Variants in TMEM214 observed in about 807,000 individuals in gnomAD.
TMEM214 encodes the protein transmembrane protein 214.
A neutral mutation model predicts 89.8 loss-of-function variants in TMEM214; 71 were observed. The observed-to-expected ratio is 0.79, with a 90% CI of 0.65 to 0.96. TMEM214 has a LOEUF of 0.96. Ranked by LOEUF, TMEM214 falls within the 40% of genes least tolerant of loss-of-function variation. The pLI is 0.00. For synonymous variants in TMEM214, 332 were observed against 349.5 expected (o/e 0.95, Z 0.56); for missense variants, 754 against 843.4 (o/e 0.89, Z 1.31).
Position 27,038,526 on chromosome 2 carries a change from CAAG to C in TMEM214, c.1291_1293del (p.Lys431del), listed in dbSNP as rs751817734. 6.2e-7 allele frequency: 1 copy of C among 1,614,034 alleles called. No homozygotes were observed. The highest frequency in any genetic ancestry group is 8.5e-7 in the Non-Finnish European group (1 of 1,179,978). On this transcript the variant is annotated inframe_deletion, in exon 11 of 17. Coordinates refer to ENST00000238788, the MANE Select transcript of TMEM214 (RefSeq NM_017727.5). The surrounding 1 kb of genome is among the most constrained non-coding windows in gnomAD (Gnocchi z 4.4). Reference sequence around the variant, plus strand: ...TGCTCAGCTCCTGGGAGCAGATTCCCAAGAAGGTGAGGAGCTGGGAGGACGTGG... The same window carrying C: ...TGCTCAGCTCCTGGGAGCAGATTCCCAAGGTGAGGAGCTGGGAGGACGTGG...
At chr2:27,039,234 C>A in intron 13 of TMEM214, 70 bp downstream of exon 13, 2 of 1,280,296 alleles carry the variant, frequency 1.6e-6, no homozygotes, top group Non-Finnish European at 2.2e-6. Context: ...CACCACCACC[C>A]CGCCCCCAGC....
intron 4 of TMEM214, 67 bp downstream of exon 4, chr2:27,035,795 A>C: frequency 6.2e-7 from 1 of 1,607,830 alleles, no homozygotes; most frequent in Non-Finnish European, 8.5e-7. Context: ...TTCCAGTACC[A>C]CTCAGTGGTT....
chr2:27,037,895 C>G, intron 9 of TMEM214, 193 bp downstream of exon 9: 1 of 1,552,502 alleles, frequency 6.4e-7, no homozygotes, highest in Middle Eastern at 1.7e-4. Context: ...ACATTCAGGT[C>G]TGGGTGGTTT....
At chr2:27,034,812 G>A (rs1228478598) in intron 2 of TMEM214, among the ~76,000 whole-genome samples, 1 of 151,860 alleles carries the variant, frequency 6.6e-6, no homozygotes, top group Non-Finnish European at 1.5e-5. Context: ...TTGAACTCCT[G>A]ACCTCAGGTG....
At chr2:27,035,008 T>C (rs1051026906) in intron 2 of TMEM214, 127 bp from the exon 3 acceptor site, 11 of 1,008,500 alleles carry the variant, frequency 1.1e-5, no homozygotes, top group African/African-American at 9.7e-5. Context: ...CATGTTCTTA[T>C]GCTTAAAAAT....
intron 3 of TMEM214, 72 bp from the exon 4 acceptor site, chr2:27,035,522 G>A (rs1210683427): frequency 5.0e-6 from 8 of 1,590,570 alleles, no homozygotes; most frequent in South Asian, 1.1e-5. Context: ...CCATTCCCAG[G>A]GAGAGCACCA....
At position 27,033,001 on chromosome 2, in the gene TMEM214, G is replaced by A. The variant is rs751885270; in HGVS notation, c.-15G>A. On this transcript the variant is annotated 5_prime_UTR_variant, in exon 1 of 17. Coordinates refer to ENST00000238788, the MANE Select transcript of TMEM214 (RefSeq NM_017727.5). ...GAAAGCCGGGGAAGTGGCCGAGGAG[G>A]GAGGGCTGCGAGCCATGGCGACCAA... 7 of 1,245,966 alleles carry A rather than the reference G, an allele frequency of 5.6e-6. No homozygotes were observed. The highest frequency in any genetic ancestry group is 3.1e-5 in the African/African-American group (2 of 64,402). The allele number at this position is 1,245,966 out of a possible 1,614,324, so 77.2% of individuals were successfully genotyped here. A position where few individuals can be genotyped will look rare whatever the true frequency, so the allele number is the denominator to read the frequency against.
In TMEM214 at chr2:27,040,964, C is replaced by A; in HGVS notation, c.*127C>A. ...CTGAGTTCTCTCCTAGGCAAGTGGC[C>A]AGTTGCCTCCACCTCAGTTCTTCCA... is the stretch of plus-strand genomic sequence containing the variant. On this transcript the variant is annotated 3_prime_UTR_variant, in exon 17 of 17. Transcript: ENST00000238788. The A allele has an allele frequency of 8.4e-7, 1 of 1,187,174 alleles. No homozygotes were observed. Among genetic ancestry groups the A allele is most frequent in the Non-Finnish European group, 1.2e-6 (1 of 846,826 alleles). The allele number at this position is 1,187,174 out of a possible 1,614,324, so 73.5% of individuals were successfully genotyped here.
rs1667660555 is a variant in TMEM214 at position 27,038,229 on chromosome 2, A to G, written c.1236A>G (p.Ser412=). 6.2e-7 allele frequency: 1 copy of G among 1,613,778 alleles called. No homozygotes were observed. The highest frequency in any genetic ancestry group is 8.5e-7 in the Non-Finnish European group (1 of 1,179,870). ...GGCAGCTGTACCCTAAGCACCTGTC[A>G]CAGTCCAGGCAGGTGGGGTGGGAGG... ...VWRQLYPKHL[S]QSSLLLEHLL... is the part of the protein sequence containing the mutation. The change falls in exon 10 of 17, where the codon TCA becomes TCG. Residue 412 remains serine, a synonymous_variant. Coordinates refer to ENST00000238788, the MANE Select transcript of TMEM214 (RefSeq NM_017727.5). The surrounding 1 kb of genome is among the most constrained non-coding windows in gnomAD (Gnocchi z 4.4).
intron 1 of TMEM214, 63 bp from the exon 2 acceptor site, chr2:27,034,004 C>T (rs987351329): frequency 1.3e-6 from 2 of 1,563,324 alleles, no homozygotes; most frequent in African/African-American, 1.4e-5. Context: ...AAAGGGACCA[C>T]TGATAGGTGA....
rs148997838 is a variant in TMEM214, at chr2:27,040,519, C to T, written c.1943+23C>T. The T allele has an allele frequency of 1.9e-3, 3,048 of 1,609,552 alleles. 97 individuals are homozygous for T. The East Asian group carries it at 0.054, about 28-fold the overall frequency. On this transcript the variant is annotated intron_variant, in intron 16 of 16. Transcript: ENST00000238788. ...CAGGTGAGACCTTTGCCCAGGGCTC[C>T]GGCAGGATCCCCAGCAGCCCCATTC...
rs1216478947 is a variant in TMEM214, at chr2:27,036,756, T to A, written c.878T>A (p.Phe293Tyr). 3.7e-6 allele frequency: 6 copies of A among 1,613,974 alleles called. No homozygotes were observed. Among genetic ancestry groups the A allele is most frequent in the Non-Finnish European group, 5.1e-6 (6 of 1,180,018 alleles). ...CTGGGCATCAAGTCTCTGTCTCCCT[T>A]TGCCATCACATACCTGGATCGGCTG... ...PVLGIKSLSPFAITYLDRLLL... is the reference protein window; with the variant it reads ...PVLGIKSLSPYAITYLDRLLL... The change falls in exon 7 of 17, where the codon TTT (phenylalanine) becomes TAT (tyrosine). Residue 293 changes from phenylalanine to tyrosine, a missense_variant. Physicochemically the swap from Phe to Tyr is conservative, Grantham distance 22. Coordinates refer to ENST00000238788, the MANE Select transcript of TMEM214 (RefSeq NM_017727.5).
In TMEM214 at chr2:27,032,996, A is replaced by T; in HGVS notation, c.-20A>T. 1 of 1,244,674 alleles carries T rather than the reference A, an allele frequency of 8.0e-7. No homozygotes were observed. Among genetic ancestry groups the T allele is most frequent in the Non-Finnish European group, 1.0e-6 (1 of 987,052 alleles). The allele number at this position is 1,244,674 out of a possible 1,614,324, so 77.1% of individuals were successfully genotyped here. ...GACCGGAAAGCCGGGGAAGTGGCCG[A>T]GGAGGGAGGGCTGCGAGCCATGGCG... On this transcript the variant is annotated 5_prime_UTR_variant, in exon 1 of 17. Transcript: ENST00000238788.
chr2:27,034,323 A>G, intron 2 of TMEM214, 57 bp downstream of exon 2: 1 of 1,574,180 alleles, frequency 6.4e-7, no homozygotes, highest in South Asian at 1.1e-5. Context: ...TTTAGAGAAG[A>G]TGAGAGGAGG....
chr2:27,040,531 C>T (rs1423235613), intron 16 of TMEM214, 35 bp downstream of exon 16: 1 of 1,606,606 alleles, frequency 6.2e-7, no homozygotes, highest in South Asian at 1.1e-5. Context: ...GCAGGATCCC[C>T]AGCAGCCCCA....
rs376208378 is a variant in TMEM214 at position 27,037,206 on chromosome 2, G to A, written c.1010+28G>A. On this transcript the variant is annotated intron_variant, in intron 8 of 16. Transcript: ENST00000238788. ...AGGACTGCTCTGGGGCACACCTGCT[G>A]AGAAGGGACCACAGCACCAGAACCA... 18 of 1,527,508 alleles carry A rather than the reference G, an allele frequency of 1.2e-5. 1 individual carries two copies. In the African/African-American group the frequency reaches 1.6e-4, roughly 14 times the overall value. 94.6% of individuals were successfully genotyped at this position (1,527,508 alleles called of 1,614,324 possible).
intron 1 of TMEM214, 39 bp downstream of exon 1, chr2:27,033,205 G>C (rs959543857): frequency 1.6e-6 from 2 of 1,245,452 alleles, no homozygotes; most frequent in South Asian, 4.1e-5. Flanking sequence ...CCCCAGGCCT[G>C]TCCGGCAGGG....
intron 1 of TMEM214, 95 bp from the exon 2 acceptor site, chr2:27,033,972 T>C (rs1667440732): frequency 7.5e-7 from 1 of 1,336,330 alleles, no homozygotes; most frequent in African/African-American, 1.5e-5. Context: ...TCCCTGGAGA[T>C]GAATTAGGTG....
rs1268751765 is a variant in TMEM214 at position 27,038,139 on chromosome 2, T to C, written c.1153-7T>C. 6 of 1,614,160 alleles carry C rather than the reference T, an allele frequency of 3.7e-6. No individual in the cohort carries two copies. The highest frequency in any genetic ancestry group is 1.7e-6 in the Non-Finnish European group (2 of 1,180,004). On this transcript the variant is annotated splice_polypyrimidine_tract_variant and splice_region_variant and intron_variant, in intron 9 of 16. Transcript: ENST00000238788. This position sits in a 1 kb window ranked among gnomAD's most constrained non-coding sequence, Gnocchi z 4.4. ...CCAGCAGCCTCTCCCTCTGTCGTGCTGTGCAGCTCCTGAGCAGCCTGACTG... is the reference window on the plus strand; with the variant it reads ...CCAGCAGCCTCTCCCTCTGTCGTGCCGTGCAGCTCCTGAGCAGCCTGACTG...
Sources: allele counts gnomAD v4.1 joint callset (sites outside exome capture counted in the v4.1 genomes callset), GRCh38; gene constraint gnomAD v4.1.1; non-coding constraint Gnocchi (gnomAD v3.1); transcripts MANE v1.5; gene names NCBI Gene and HGNC (gene_info 2026-07-23, HGNC 2026-07-21).